JHY: variants seen among roughly 807,000 people sequenced by gnomAD.
JHY encodes jhy protein homolog.
A neutral mutation model predicts 78.0 loss-of-function variants in JHY; 69 were observed. The observed-to-expected ratio is 0.88, with a 90% CI of 0.73 to 1.08. The LOEUF (loss-of-function observed/expected upper bound fraction) is 1.08. Ranked by LOEUF, JHY falls within the 50% of genes least tolerant of loss-of-function variation. JHY has a pLI of 0.00. For missense variants in JHY, 944 were observed against 927.8 expected, an observed-to-expected ratio of 1.02 and a Z score of -0.23; for synonymous variants, 368 against 342.6, an observed-to-expected ratio of 1.07 and a Z score of -0.82.
intron 5 of JHY, among the ~76,000 whole-genome samples, chr11:122,939,221 C>T (rs866888433): frequency 1.2e-4 from 18 of 152,170 alleles, no homozygotes; most frequent in Admixed American, 4.6e-4. Flanking sequence ...CTCCTGACCC[C>T]GTGATCCACC....
intron 6 of JHY, among the ~76,000 whole-genome samples, chr11:122,953,595 C>T (rs1864136453): frequency 1.4e-5 from 2 of 145,492 alleles, no homozygotes; most frequent in Admixed American, 1.4e-4. Context: ...GAGTGACACT[C>T]CATCTCAAAA....
At chr11:122,895,855 A>G (rs2135292300) in intron 2 of JHY, among the ~76,000 whole-genome samples, 1 of 152,332 alleles carries the variant, frequency 6.6e-6, no homozygotes, top group South Asian at 2.1e-4. Flanking sequence ...AGCTCAGTAC[A>G]ATGGGGTTCT....
chr11:122,887,617 G>C (rs139457392), intron 2 of JHY, among the ~76,000 whole-genome samples: 1 of 151,858 alleles, frequency 6.6e-6, no homozygotes, highest in African/African-American at 2.4e-5. Context: ...CACTGTGCCC[G>C]GCCGATTTTT....
chr11:122,926,047 G>A (rs1863492109), intron 4 of JHY, among the ~76,000 whole-genome samples: 1 of 150,518 alleles, frequency 6.6e-6, no homozygotes, highest in African/African-American at 2.4e-5. Context: ...GATTAGCCAG[G>A]CATGATGGTG....
intron 7 of JHY, among the ~76,000 whole-genome samples, chr11:122,956,929 G>A (rs1257919193): frequency 1.3e-5 from 2 of 152,002 alleles, no homozygotes; most frequent in East Asian, 3.9e-4. Context: ...AGACACTTAC[G>A]GGAAGAGTTT....
intron 4 of JHY, among the ~76,000 whole-genome samples, chr11:122,930,846 C>G (rs1863620462): frequency 6.6e-6 from 1 of 152,178 alleles, no homozygotes; most frequent in Non-Finnish European, 1.5e-5. Flanking sequence ...TCTGTTTGTG[C>G]TGCTATAACA....
intron 3 of JHY, among the ~76,000 whole-genome samples, chr11:122,914,284 T>C (rs950808449): frequency 2.0e-5 from 3 of 152,222 alleles, no homozygotes; most frequent in African/African-American, 7.2e-5. Context: ...TTTTCATAGT[T>C]TTAAATTTAG....
intron 3 of JHY, chr11:122,905,104 A>G (rs1862957763): frequency 9.0e-7 from 1 of 1,106,918 alleles, no homozygotes; most frequent in East Asian, 2.4e-5. Context: ...ATGATATGAT[A>G]TGATTAAACA....
At chr11:122,927,484 A>C (rs543293586) in intron 4 of JHY, among the ~76,000 whole-genome samples, 1 of 152,276 alleles carries the variant, frequency 6.6e-6, no homozygotes, top group South Asian at 2.1e-4. Flanking sequence ...ACACCAGCCC[A>C]GCACTCTGGG....
At chr11:122,949,163 C>T (rs1028072426) in intron 6 of JHY, among the ~76,000 whole-genome samples, 4 of 151,586 alleles carry the variant, frequency 2.6e-5, no homozygotes, top group Admixed American at 2.0e-4. Context: ...TAACATGGTG[C>T]ATGCTGGGGA....
intron 2 of JHY, among the ~76,000 whole-genome samples, chr11:122,895,363 C>T (rs1862716694): frequency 6.6e-6 from 1 of 152,152 alleles, no homozygotes. Flanking sequence ...CTTTTATTCA[C>T]CTCCTCAACA....
rs116315704 is a variant in JHY, at chr11:122,949,797, G to C, written c.1929+3005G>C. The stretch of plus-strand genomic sequence containing the variant: ...AGCTGGGAGAATCCCCGGTTCCACT[G>C]TAAGTAAGGAGAAAGGTGTTCCTTT... On this transcript the variant is annotated intron_variant, in intron 6 of 8. Coordinates refer to ENST00000227349, the MANE Select transcript of JHY (RefSeq NM_024806.4). 5.3e-4 allele frequency among the ~76,000 whole-genome samples: 81 copies of C among 151,774 alleles called. 1 individual carries two copies. Among genetic ancestry groups the C allele is most frequent in the Admixed American group, 1.4e-3 (22 of 15,256 alleles).
chr11:122,941,053 T>C (rs1428356236), intron 5 of JHY, among the ~76,000 whole-genome samples: 1 of 152,196 alleles, frequency 6.6e-6, no homozygotes, highest in South Asian at 2.1e-4. Flanking sequence ...CTTTGTTTTC[T>C]GGCATAGTAA....
intron 2 of JHY, among the ~76,000 whole-genome samples, chr11:122,902,824 C>A (rs1232852418): frequency 6.6e-6 from 1 of 152,188 alleles, no homozygotes; most frequent in Non-Finnish European, 1.5e-5. Flanking sequence ...TCCCCATGAT[C>A]CAGTCACCTC....
chr11:122,962,770 A>C lies in JHY; in HGVS notation c.*3325A>C, dbSNP rs971866917. On this transcript the variant is annotated 3_prime_UTR_variant, in exon 9 of 9. Coordinates refer to ENST00000227349, the MANE Select transcript of JHY (RefSeq NM_024806.4). ...AGAGCTTGGAAAGTTTGTCACATTCAACTGCCAGTTTTTCAGAAGATGAAA... is the reference window on the plus strand; with the variant it reads ...AGAGCTTGGAAAGTTTGTCACATTCCACTGCCAGTTTTTCAGAAGATGAAA... 6.6e-6 allele frequency among the ~76,000 whole-genome samples: 1 copy of C among 152,194 alleles called. No individual in the cohort carries two copies. The highest frequency in any genetic ancestry group is 2.1e-4 in the South Asian group (1 of 4,830).
intron 4 of JHY, among the ~76,000 whole-genome samples, chr11:122,933,591 C>CT (rs1217715663): frequency 9.2e-5 from 14 of 152,174 alleles, no homozygotes; most frequent in Admixed American, 3.3e-4. Context: ...GTTTGATTGC[C>CT]TAAGCGCAGG....
intron 2 of JHY, among the ~76,000 whole-genome samples, chr11:122,894,090 G>A (rs1862684205): frequency 6.6e-6 from 1 of 152,156 alleles, no homozygotes; most frequent in South Asian, 2.1e-4. Flanking sequence ...GGAGGCTGAG[G>A]CGGGAGGATC....
In JHY at chr11:122,934,764, A is replaced by G. The variant is rs752972460; in HGVS notation, c.1323A>G (p.Thr441=). 3.1e-6 allele frequency: 5 copies of G among 1,614,178 alleles called. No individual in the cohort carries two copies. The highest frequency in any genetic ancestry group is 4.2e-6 in the Non-Finnish European group (5 of 1,180,026). The change falls in exon 5 of 9, where the codon ACA becomes ACG. Residue 441 remains threonine (T), a synonymous_variant. Transcript: ENST00000227349. ...ACAATCTCAAAGAAACCTCCAATAC[A>G]TTTGCTCCACCAAAACAGGCTTTTG... is the stretch of plus-strand genomic sequence containing the variant. ...RSHNLKETSN[T]FAPPKQAFDK...
chr11:122,901,649 A>G (rs1862861699), intron 2 of JHY, among the ~76,000 whole-genome samples: 1 of 151,626 alleles, frequency 6.6e-6, no homozygotes, highest in Non-Finnish European at 1.5e-5. Flanking sequence ...TGAGGCAGGC[A>G]GATCACGAGG....
Sources: gnomAD v4.1 joint callset for allele counts (sites outside exome capture counted in the v4.1 genomes callset) on GRCh38, gnomAD v4.1.1 for gene constraint, MANE v1.5 for transcripts, NCBI Gene and HGNC (gene_info 2026-07-23, HGNC 2026-07-21) for gene names.